Variants in ZNF324 observed in about 807,000 individuals in gnomAD.
The protein encoded by ZNF324 is zinc finger protein 324A.
Under a neutral mutation model 10.3 loss-of-function variants are expected in ZNF324, and 3 were observed. The observed-to-expected ratio is 0.29, with a 90% CI of 0.13 to 0.75. ZNF324 has a LOEUF of 0.75. ZNF324 is among the 30% of genes least tolerant of loss of function. The probability of loss-of-function intolerance (pLI) is 0.69; values close to 1 mark genes in which losing one functional copy is unlikely to be tolerated. For synonymous variants in ZNF324, 430 were observed against 339.5 expected, an observed-to-expected ratio of 1.27 and a Z score of -2.93; for missense variants, 763 against 784.4, an observed-to-expected ratio of 0.97 and a Z score of 0.33.
In ZNF324 at chr19:58,469,782, C is replaced by T; in HGVS notation, c.176C>T (p.Pro59Leu). Residue 59 changes from proline (P) to leucine (L), a missense_variant, in exon 3 of 4, where the codon CCC (proline) becomes CTC (leucine). Transcript: ENST00000196482. Reference sequence around the variant, plus strand: ...ATCCAACTGGAGCGTGGCGAGGAGCCCTGGGTTCCCAGTGGAACGGACACA... The same window carrying T: ...ATCCAACTGGAGCGTGGCGAGGAGCTCTGGGTTCCCAGTGGAACGGACACA... ...VVIQLERGEEPWVPSGTDTTL... is the reference protein window; with the variant it reads ...VVIQLERGEELWVPSGTDTTL... 1 of 1,597,864 alleles carries T rather than the reference C, an allele frequency of 6.3e-7. No individual in the cohort carries two copies. Among genetic ancestry groups the T allele is most frequent in the Non-Finnish European group, 8.5e-7 (1 of 1,172,396 alleles).
chr19:58,469,835 C>T lies in ZNF324; in HGVS notation c.229C>T (p.Arg77Cys), dbSNP rs200000577. 3.6e-5 allele frequency: 57 copies of T among 1,598,878 alleles called. No individual in the cohort carries two copies. In the African/African-American group the frequency reaches 4.1e-4, roughly 12 times the overall value. ...TTLSRTTYRR[R>C]NPGSWSLTED... is the part of the protein sequence containing the mutation. ...CCTGTCCAGGACCACCTACAGGAGGCGCAACCCTGGTGAGAGGGAGCTCAG... is the reference window on the plus strand; with the variant it reads ...CCTGTCCAGGACCACCTACAGGAGGTGCAACCCTGGTGAGAGGGAGCTCAG... Residue 77 changes from arginine to cysteine, a missense_variant, in exon 3 of 4, where the codon CGC becomes TGC. Around this residue, in one of 3 missense-constraint regions of ZNF324, gnomAD observed 379 missense variants for 319.4 expected, o/e 1.19. Transcript: ENST00000196482.
chr19:58,471,998 C>T lies in ZNF324; in HGVS notation c.1506C>T (p.Ile502=), dbSNP rs749589123. 19 of 1,608,504 alleles carry T rather than the reference C, an allele frequency of 1.2e-5. No homozygotes were observed. Among genetic ancestry groups the T allele is most frequent in the Non-Finnish European group, 1.6e-5 (19 of 1,179,712 alleles). The change falls in exon 4 of 4, where the codon ATC becomes ATT. Residue 502 remains isoleucine, a synonymous_variant. Coordinates refer to ENST00000196482, the MANE Select transcript of ZNF324 (RefSeq NM_014347.3). ...ERPALFHHQR[I]HTGEKTVRRS... is the part of the protein sequence containing the mutation. Reference sequence around the variant, plus strand: ...CGGCCCTCTTCCACCACCAGAGGATCCATACCGGCGAGAAGACCGTCCGGC... The same window carrying T: ...CGGCCCTCTTCCACCACCAGAGGATTCATACCGGCGAGAAGACCGTCCGGC...
At position 58,472,057 on chromosome 19, in the gene ZNF324, C is replaced by T. The variant is rs758837872; in HGVS notation, c.1565C>T (p.Ser522Phe). 14 of 1,605,436 alleles carry T rather than the reference C, an allele frequency of 8.7e-6. No homozygotes were observed. Among genetic ancestry groups the T allele is most frequent in the Admixed American group, 5.0e-5 (3 of 59,996 alleles). ...GCCAGCCTGCACCCCCAGGCCAGGT[C>T]TGTTGCCGGGGCATCATCAGAAGGT... ...SRASLHPQAR[S>F]VAGASSEGAP... The change falls in exon 4 of 4, where the codon TCT (serine) becomes TTT (phenylalanine). Residue 522 changes from serine to phenylalanine, a missense_variant. Physicochemically the swap from Ser to Phe is radical, Grantham distance 155. Around this residue, in one of 3 missense-constraint regions of ZNF324, gnomAD observed 231 missense variants for 196.0 expected, o/e 1.18. Transcript: ENST00000196482.
rs1181781045 is a variant in ZNF324, at chr19:58,472,189, C to G, written c.*35C>G. Reference sequence around the variant, plus strand: ...TTGCAGCCCTGGCCTTCTGTGAATCCCTTCCACAGCTAAAGGGCATATGTC... The same window carrying G: ...TTGCAGCCCTGGCCTTCTGTGAATCGCTTCCACAGCTAAAGGGCATATGTC... On this transcript the variant is annotated 3_prime_UTR_variant, in exon 4 of 4. Coordinates refer to ENST00000196482, the MANE Select transcript of ZNF324 (RefSeq NM_014347.3). 2.6e-6 allele frequency: 4 copies of G among 1,528,508 alleles called. No individual in the cohort carries two copies. The highest frequency in any genetic ancestry group is 1.4e-5 in the African/African-American group (1 of 73,188). 94.7% of individuals were successfully genotyped at this position (1,528,508 alleles called of 1,614,324 possible). A position where few individuals can be genotyped will look rare whatever the true frequency, so the allele number is the denominator to read the frequency against.
rs907744187 is a variant in ZNF324, at chr19:58,472,382, C to G, written c.*228C>G. On this transcript the variant is annotated 3_prime_UTR_variant, in exon 4 of 4. Coordinates refer to ENST00000196482, the MANE Select transcript of ZNF324 (RefSeq NM_014347.3). Reference sequence around the variant, plus strand: ...CACTGCAGCAACATCAGGGGGAGGACGTGGTGGCTGAACTCTAGTGGGGCC... The same window carrying G: ...CACTGCAGCAACATCAGGGGGAGGAGGTGGTGGCTGAACTCTAGTGGGGCC... 2.7e-5 allele frequency: 15 copies of G among 559,552 alleles called. No homozygotes were observed. The highest frequency in any genetic ancestry group is 2.1e-4 in the African/African-American group (11 of 53,422). 34.7% of individuals were successfully genotyped at this position (559,552 alleles called of 1,614,324 possible).
chr19:58,472,032 G>A lies in ZNF324; in HGVS notation c.1540G>A (p.Ala514Thr), dbSNP rs1162128814. The A allele has an allele frequency of 1.2e-6, 2 of 1,606,880 alleles. No homozygotes were observed. Among genetic ancestry groups the A allele is most frequent in the Admixed American group, 1.7e-5 (1 of 60,016 alleles). ...CGAGAAGACCGTCCGGCGATCCAGG[G>A]CCAGCCTGCACCCCCAGGCCAGGTC... ...TGEKTVRRSRASLHPQARSVA... is the reference protein window; with the variant it reads ...TGEKTVRRSRTSLHPQARSVA... Residue 514 changes from alanine (A) to threonine (T), a missense_variant, in exon 4 of 4, where the codon GCC (alanine) becomes ACC (threonine). Ala to Thr is a moderately conservative substitution (Grantham distance 58). Transcript: ENST00000196482.
chr19:58,472,060 T>C lies in ZNF324; in HGVS notation c.1568T>C (p.Val523Ala). The C allele has an allele frequency of 6.2e-7, 1 of 1,604,774 alleles. No individual in the cohort carries two copies. Among genetic ancestry groups the C allele is most frequent in the Non-Finnish European group, 8.5e-7 (1 of 1,178,186 alleles). The part of the protein sequence containing the change: ...RASLHPQARS[V>A]AGASSEGAPA... Reference sequence around the variant, plus strand: ...AGCCTGCACCCCCAGGCCAGGTCTGTTGCCGGGGCATCATCAGAAGGTGCG... The same window carrying C: ...AGCCTGCACCCCCAGGCCAGGTCTGCTGCCGGGGCATCATCAGAAGGTGCG... Residue 523 changes from valine to alanine, a missense_variant, in exon 4 of 4, where the codon GTT becomes GCT. This residue lies in a region of ZNF324 where 231 missense variants were observed against 196.0 expected (regional missense o/e 1.18). Coordinates refer to ENST00000196482, the MANE Select transcript of ZNF324 (RefSeq NM_014347.3).
intron 3 of ZNF324, 48 bp downstream of exon 3, chr19:58,469,892 A>G: frequency 2.0e-6 from 3 of 1,471,486 alleles, no homozygotes; most frequent in Non-Finnish European, 2.8e-6. Flanking sequence ...ACCTGTGGTC[A>G]TGCCTCTGTC....
At position 58,471,128 on chromosome 19, in the gene ZNF324, C is replaced by T. The variant is rs2053028082; in HGVS notation, c.636C>T (p.Asp212=). ...VPGRTFGSAQ[D]LEAAGGRGHH... ...GGAGAACCTTTGGGAGCGCCCAGGA[C>T]CTGGAGGCTGCCGGCGGTCGGGGAC... The change falls in exon 4 of 4, where the codon GAC becomes GAT. Residue 212 remains aspartate (D), a synonymous_variant. Coordinates refer to ENST00000196482, the MANE Select transcript of ZNF324 (RefSeq NM_014347.3). 1 of 1,613,726 alleles carries T rather than the reference C, an allele frequency of 6.2e-7. No individual in the cohort carries two copies. The highest frequency in any genetic ancestry group is 8.5e-7 in the Non-Finnish European group (1 of 1,180,052).
intron 3 of ZNF324, 88 bp downstream of exon 3, chr19:58,469,932 TCCTCCCCTC>T (rs1452210582): frequency 2.0e-6 from 2 of 1,007,370 alleles, no homozygotes; most frequent in Admixed American, 2.1e-5. Context: ...AGAAGCACCC[TCCTCCCCTC>T]CCTCCCACCC....
Position 58,469,842 on chromosome 19 carries a change from C to T in ZNF324, c.236C>T (p.Pro79Leu). Residue 79 changes from proline (P) to leucine (L), a missense_variant and splice_region_variant, in exon 3 of 4, where the codon CCT becomes CTT. By Grantham distance (98) the Pro-to-Leu change is moderately conservative. Around this residue, in one of 3 missense-constraint regions of ZNF324, gnomAD observed 379 missense variants for 319.4 expected, o/e 1.19. Coordinates refer to ENST00000196482, the MANE Select transcript of ZNF324 (RefSeq NM_014347.3). ...LSRTTYRRRN[P>L]GSWSLTEDRD... ...AGGACCACCTACAGGAGGCGCAACC[C>T]TGGTGAGAGGGAGCTCAGGGTGGGG... is the stretch of plus-strand genomic sequence containing the variant. The T allele has an allele frequency of 3.8e-6, 6 of 1,597,012 alleles. No individual in the cohort carries two copies. The highest frequency in any genetic ancestry group is 5.1e-6 in the Non-Finnish European group (6 of 1,171,748).
intron 3 of ZNF324, chr19:58,470,514 A>G: frequency 1.5e-6 from 1 of 668,000 alleles, no homozygotes; most frequent in Non-Finnish European, 2.7e-6. Flanking sequence ...GGGGGCTGCC[A>G]CCTTGATCAT....
Position 58,471,618 on chromosome 19 carries a change from C to T in ZNF324, c.1126C>T (p.Arg376Cys), listed in dbSNP as rs1022106777. Residue 376 changes from arginine to cysteine, a missense_variant, in exon 4 of 4, where the codon CGC becomes TGC. Around this residue, in one of 3 missense-constraint regions of ZNF324, gnomAD observed 153 missense variants for 269.0 expected, o/e 0.57. Transcript: ENST00000196482. ...GRPYACAQCG[R>C]RFCRNSHLIQ... The stretch of plus-strand genomic sequence containing the variant: ...TCCTTATGCTTGCGCACAGTGTGGC[C>T]GCCGCTTCTGCCGCAACTCGCACCT... 13 of 1,607,532 alleles carry T rather than the reference C, an allele frequency of 8.1e-6. No homozygotes were observed. Among genetic ancestry groups the T allele is most frequent in the Admixed American group, 1.7e-5 (1 of 59,886 alleles).
chr19:58,471,327 C>G lies in ZNF324; in HGVS notation c.835C>G (p.His279Asp). The G allele has an allele frequency of 6.2e-7, 1 of 1,614,030 alleles. No homozygotes were observed. Among genetic ancestry groups the G allele is most frequent in the Non-Finnish European group, 8.5e-7 (1 of 1,180,020 alleles). ...SSDLLKHLRT[H>D]TGERPYECAQ... Reference sequence around the variant, plus strand: ...CGACCTCCTCAAGCACCTACGCACCCACACCGGGGAGCGGCCCTACGAGTG... The same window carrying G: ...CGACCTCCTCAAGCACCTACGCACCGACACCGGGGAGCGGCCCTACGAGTG... The change falls in exon 4 of 4, where the codon CAC becomes GAC. Residue 279 changes from histidine (H) to aspartate (D), a missense_variant. His to Asp is a moderately conservative substitution (Grantham distance 81). Around this residue, in one of 3 missense-constraint regions of ZNF324, gnomAD observed 153 missense variants for 269.0 expected, o/e 0.57. Transcript: ENST00000196482.
chr19:58,470,552 A>G (rs1276572247), intron 3 of ZNF324, 179 bp from the exon 4 acceptor site: 2 of 762,012 alleles, frequency 2.6e-6, no homozygotes, highest in Non-Finnish European at 4.6e-6. Context: ...TCAGTGCCAT[A>G]CCTATCAGGG....
intron 2 of ZNF324, among the ~76,000 whole-genome samples, 154 bp downstream of exon 2, chr19:58,469,460 G>C (rs1183417234): frequency 2.0e-5 from 3 of 152,248 alleles, no homozygotes; most frequent in African/African-American, 7.2e-5. Context: ...CATGCAGTCT[G>C]GTTGGCTCAA....
In ZNF324 at chr19:58,471,764, C is replaced by T. The variant is rs1440087074; in HGVS notation, c.1272C>T (p.Pro424=). Residue 424 remains proline, a synonymous_variant, in exon 4 of 4, where the codon CCC becomes CCT. Transcript: ENST00000196482. The stretch of plus-strand genomic sequence containing the variant: ...AGCGCGTGCACACAGGCGAGAAGCC[C>T]TTCGCCTGCCCACAGTGCGGCCGCG... The part of the protein sequence containing the change: ...KHQRVHTGEK[P]FACPQCGRAF... 1.2e-6 allele frequency: 2 copies of T among 1,612,970 alleles called. No homozygotes were observed. Among genetic ancestry groups the T allele is most frequent in the Non-Finnish European group, 1.7e-6 (2 of 1,179,772 alleles).
chr19:58,467,348 G>A (rs532446000), intron 1 of ZNF324, 165 bp downstream of exon 1: 2 of 152,390 alleles, frequency 1.3e-5, no homozygotes, highest in South Asian at 4.1e-4. Context: ...CCGTGCGGCA[G>A]CCCAGGAGGC....
At position 58,472,862 on chromosome 19, in the gene ZNF324, G is replaced by C. The variant is rs1014434235; in HGVS notation, c.*708G>C. Reference sequence around the variant, plus strand: ...GAGATGGCTCTGTGGCTGGTATCCCGACTTGGAAGATGAGGAAACTGAGGC... The same window carrying C: ...GAGATGGCTCTGTGGCTGGTATCCCCACTTGGAAGATGAGGAAACTGAGGC... On this transcript the variant is annotated 3_prime_UTR_variant, in exon 4 of 4. Coordinates refer to ENST00000196482, the MANE Select transcript of ZNF324 (RefSeq NM_014347.3). The C allele has an allele frequency of 1.3e-5, 2 of 152,590 alleles. No individual in the cohort carries two copies. The highest frequency in any genetic ancestry group is 4.8e-5 in the African/African-American group (2 of 41,422). 9.5% of individuals were successfully genotyped at this position (152,590 alleles called of 1,614,324 possible).
Sources: gnomAD v4.1 joint callset for allele counts (sites outside exome capture counted in the v4.1 genomes callset) on GRCh38, gnomAD v4.1.1 for gene constraint, gnomAD v4.1.1 regional missense constraint, MANE v1.5 for transcripts, NCBI Gene and HGNC (gene_info 2026-07-23, HGNC 2026-07-21) for gene names.